The following ICA1 variants were observed in gnomAD, a reference collection of about 807,000 sequenced individuals.
ICA1 encodes islet cell autoantigen 1.
A neutral mutation model predicts 71.0 loss-of-function variants in ICA1; 40 were observed. That is an observed-to-expected ratio of 0.56 (90% confidence interval 0.44 to 0.73). The LOEUF is 0.73. Among genes scored for constraint, ICA1 ranks in the 30% least tolerant of loss-of-function variants. The pLI is 0.00. For missense variants in ICA1, 578 were observed against 576.5 expected (o/e 1.00, Z -0.03); for synonymous variants, 207 against 209.5 (o/e 0.99, Z 0.10).
intron 13 of ICA1, among the ~76,000 whole-genome samples, chr7:8,125,502 A>G (rs1312795617): frequency 1.3e-5 from 2 of 152,230 alleles, no homozygotes; most frequent in Non-Finnish European, 2.9e-5. Flanking sequence ...TCAGCTCTGC[A>G]GCCTGACCTA....
intron 6 of ICA1, among the ~76,000 whole-genome samples, chr7:8,198,848 C>T (rs763624445): frequency 7.9e-5 from 12 of 152,006 alleles, no homozygotes; most frequent in Non-Finnish European, 1.3e-4. Context: ...GTGCAAACTA[C>T]CTGACAATGG....
chr7:8,239,950 C>T (rs1388368154), intron 1 of ICA1, among the ~76,000 whole-genome samples: 4 of 152,246 alleles, frequency 2.6e-5, no homozygotes, highest in African/African-American at 9.6e-5. Context: ...TGCCTCTGTA[C>T]ATTCCACCTC....
chr7:8,128,515 G>A (rs116459240), intron 12 of ICA1, among the ~76,000 whole-genome samples: 1,739 of 152,220 alleles, frequency 0.011, 22 homozygotes, highest in African/African-American at 0.04. Context: ...ATCTTCCCAC[G>A]CAAGCCCTCA....
intron 1 of ICA1, among the ~76,000 whole-genome samples, chr7:8,249,014 A>G (rs1159862527): frequency 6.6e-6 from 1 of 152,268 alleles, no homozygotes; most frequent in Non-Finnish European, 1.5e-5. Flanking sequence ...TAAAATGCAG[A>G]GTAATTCTTT....
intron 6 of ICA1, among the ~76,000 whole-genome samples, chr7:8,163,260 G>A (rs980068631): frequency 2.6e-5 from 4 of 152,162 alleles, no homozygotes; most frequent in Non-Finnish European, 5.9e-5. Context: ...AAAGCTATTC[G>A]TACTTTCAGT....
chr7:8,122,976 G>A (rs1426327740), intron 13 of ICA1, among the ~76,000 whole-genome samples: 1 of 152,124 alleles, frequency 6.6e-6, no homozygotes, highest in African/African-American at 2.4e-5. Context: ...CGACTCTGAG[G>A]CCTCTCAGCA....
chr7:8,136,683 G>A, intron 12 of ICA1, among the ~76,000 whole-genome samples: 1 of 152,166 alleles, frequency 6.6e-6, no homozygotes, highest in East Asian at 1.9e-4. Flanking sequence ...CTTTAACTGA[G>A]ACAATGTGCA....
Position 8,141,751 on chromosome 7 carries a change from AAATC to A in ICA1, c.955+10_955+13del. The A allele has an allele frequency of 6.7e-7, 1 of 1,497,526 alleles. No homozygotes were observed. The highest frequency in any genetic ancestry group is 9.2e-7 in the Non-Finnish European group (1 of 1,089,736). The allele number at this position is 1,497,526 out of a possible 1,614,324, so 92.8% of individuals were successfully genotyped here. A position where few individuals can be genotyped will look rare whatever the true frequency, so the allele number is the denominator to read the frequency against. ...ATATTTCAGAAGCAATTCTAAATAA[AAATC>A]AAAACTTACTCTTAAAACTAGAGGA... On this transcript the variant is annotated intron_variant, in intron 10 of 13. Coordinates refer to ENST00000402384, the MANE Select transcript of ICA1 (RefSeq NM_001136020.3).
chr7:8,202,215 T>C (rs567821645), intron 6 of ICA1, among the ~76,000 whole-genome samples: 1 of 152,362 alleles, frequency 6.6e-6, no homozygotes, highest in African/African-American at 2.4e-5. Flanking sequence ...ACTGCTTTAG[T>C]TCCAGAAAAT....
At chr7:8,199,670 T>C (rs932961978) in intron 6 of ICA1, among the ~76,000 whole-genome samples, 21 of 152,168 alleles carry the variant, frequency 1.4e-4, no homozygotes, top group African/African-American at 5.1e-4. Flanking sequence ...GCCAAGATCA[T>C]GCCACTGTGC....
intron 1 of ICA1, among the ~76,000 whole-genome samples, chr7:8,243,360 T>C (rs1804709209): frequency 6.6e-6 from 1 of 152,120 alleles, no homozygotes. Flanking sequence ...TTGACAAAAT[T>C]CAACAATGCT....
At chr7:8,166,728 T>G (rs1806130274) in intron 6 of ICA1, among the ~76,000 whole-genome samples, 1 of 152,094 alleles carries the variant, frequency 6.6e-6, no homozygotes, top group Non-Finnish European at 1.5e-5. Flanking sequence ...GAGAAAATAT[T>G]TGCAAACTAT....
chr7:8,207,330 A>G (rs17144993), intron 6 of ICA1, among the ~76,000 whole-genome samples: 2,995 of 152,290 alleles, frequency 0.02, 82 homozygotes, highest in African/African-American at 0.064. Flanking sequence ...TCAGAGTTAT[A>G]CCAACAGGCT....
chr7:8,164,748 G>A (rs1322383779), intron 6 of ICA1, among the ~76,000 whole-genome samples: 1 of 152,188 alleles, frequency 6.6e-6, no homozygotes, highest in African/African-American at 2.4e-5. Context: ...TGCCACAGGA[G>A]AAAGTCTAAG....
intron 6 of ICA1, among the ~76,000 whole-genome samples, chr7:8,163,256 A>G (rs1391644449): frequency 1.3e-5 from 2 of 152,226 alleles, no homozygotes; most frequent in Non-Finnish European, 2.9e-5. Flanking sequence ...AGCCAAAGCT[A>G]TTCGTACTTT....
intron 3 of ICA1, 68 bp from the exon 4 acceptor site, chr7:8,228,741 G>T (rs1799391408): frequency 1.9e-6 from 2 of 1,062,414 alleles, no homozygotes; most frequent in African/African-American, 1.6e-5. Flanking sequence ...TAATTACATT[G>T]AACACAACCA....
Position 8,117,522 on chromosome 7 carries a change from A to G in ICA1, c.1331-3478T>C, listed in dbSNP as rs985161594. The stretch of plus-strand genomic sequence containing the variant: ...TATATATGCAAGTCTTACCTTCTCA[A>G]TGAGACAAGGAATTTTTTGTTTTTC... On this transcript the variant is annotated intron_variant, in intron 13 of 13. Transcript: ENST00000402384. Among the ~76,000 whole-genome samples, 9 of 152,202 alleles carry G rather than the reference A, an allele frequency of 5.9e-5. No homozygotes were observed. The South Asian group carries it at 1.7e-3, about 28-fold the overall frequency.
chr7:8,155,016 C>T (rs2128183277), intron 8 of ICA1, among the ~76,000 whole-genome samples: 1 of 152,230 alleles, frequency 6.6e-6, no homozygotes, highest in African/African-American at 2.4e-5. Context: ...TTTGAACCAA[C>T]CTGATAATTA....
intron 1 of ICA1, among the ~76,000 whole-genome samples, chr7:8,252,430 G>A (rs1021400444): frequency 6.6e-6 from 1 of 152,040 alleles, no homozygotes; most frequent in Non-Finnish European, 1.5e-5. Flanking sequence ...TTAAAGAATT[G>A]CACCAACTTA....
Sources: allele counts gnomAD v4.1 joint callset (sites outside exome capture counted in the v4.1 genomes callset), GRCh38; gene constraint gnomAD v4.1.1; transcripts MANE v1.5; gene names NCBI Gene and HGNC (gene_info 2026-07-23, HGNC 2026-07-21).